Variants in FANCM observed in about 807,000 individuals in gnomAD.
FANCM encodes the protein FA complementation group M.
FANCM carries 140 observed loss-of-function variants against 199.5 expected under a neutral mutation model. That is an observed-to-expected ratio of 0.70 (90% CI 0.61 to 0.81). The LOEUF is 0.81. Among genes scored for constraint, FANCM ranks in the 30% least tolerant of loss-of-function variants. The pLI is 0.00. For synonymous variants in FANCM, 840 were observed against 836.8 expected, an observed-to-expected ratio of 1.00 and a Z score of -0.07; for missense variants, 2,410 against 2,421.4, an observed-to-expected ratio of 1.00 and a Z score of 0.10.
At chr14:45,180,931 T>C (rs929253904) in intron 14 of FANCM, 1 of 171,134 alleles carries the variant, frequency 5.8e-6, no homozygotes, top group African/African-American at 2.4e-5. Flanking sequence ...TTGTATTGAA[T>C]TGTATCTTAC....
rs1055580023 is a variant in FANCM, at chr14:45,156,918, A to G, written c.1396+1459A>G. Among the ~76,000 whole-genome samples, 20 of 145,544 alleles carry G rather than the reference A, an allele frequency of 1.4e-4. No homozygotes were observed. The South Asian group carries it at 4.3e-3, about 31-fold the overall frequency. The stretch of plus-strand genomic sequence containing the variant: ...GGCAAAAGAGTGAGACTCTGTCTCA[A>G]AAAAAAAAAAAAAAAAAAAAGGAAA... On this transcript the variant is annotated intron_variant, in intron 8 of 22. Coordinates refer to ENST00000267430, the MANE Select transcript of FANCM (RefSeq NM_020937.4).
chr14:45,170,476 T>G lies in FANCM; in HGVS notation c.2003-113T>G. ...AGGAGTTTGAGGTTACAGTGAGTTA[T>G]GAATGTGCTGTTGCACTCCAACCTG... On this transcript the variant is annotated intron_variant, in intron 11 of 22. Transcript: ENST00000267430. 14 of 702,226 alleles carry G rather than the reference T, an allele frequency of 2.0e-5. No homozygotes were observed. In the South Asian group the frequency reaches 2.3e-4, roughly 11 times the overall value. The allele number at this position is 702,226 out of a possible 1,614,324, so 43.5% of individuals were successfully genotyped here.
chr14:45,155,522 A>G, intron 8 of FANCM, 63 bp downstream of exon 8: 2 of 872,738 alleles, frequency 2.3e-6, no homozygotes, highest in African/African-American at 1.6e-5. Flanking sequence ...AACTTTACTT[A>G]TGGCTGGGTG....
intron 1 of FANCM, 103 bp from the exon 2 acceptor site, chr14:45,136,966 T>C: frequency 1.1e-6 from 1 of 893,768 alleles, no homozygotes; most frequent in East Asian, 2.5e-5. Flanking sequence ...GTTTTTCTCT[T>C]AATGTTACCA....
At chr14:45,178,928 A>G (rs10137415) in intron 14 of FANCM, among the ~76,000 whole-genome samples, 33,961 of 152,052 alleles carry the variant, frequency 0.22, 5,470 homozygotes, top group African/African-American at 0.46. Flanking sequence ...GCCTGGCGCA[A>G]TGGCTCATGC....
chr14:45,181,279 C>T, intron 14 of FANCM, 151 bp from the exon 15 acceptor site: 1 of 546,826 alleles, frequency 1.8e-6, no homozygotes, highest in Non-Finnish European at 3.2e-6. Flanking sequence ...ATTTTTTGTT[C>T]AGAGTTCTCC....
chr14:45,173,558 T>G (rs571144433), intron 13 of FANCM, among the ~76,000 whole-genome samples: 1 of 152,316 alleles, frequency 6.6e-6, no homozygotes, highest in East Asian at 1.9e-4. Flanking sequence ...CTGGTCCTAG[T>G]TTAGAGAATT....
chr14:45,195,274 T>G (rs934754681), intron 20 of FANCM, among the ~76,000 whole-genome samples: 3 of 152,216 alleles, frequency 2.0e-5, no homozygotes, highest in Non-Finnish European at 2.9e-5. Context: ...ATTACTTGCT[T>G]AAGGTTTTTG....
intron 20 of FANCM, chr14:45,195,497 C>T: frequency 2.2e-6 from 1 of 455,836 alleles, no homozygotes; most frequent in South Asian, 1.6e-5. Context: ...GGACATCTAG[C>T]ACTAATGTTT....
At chr14:45,141,079 G>A (rs758733365) in intron 3 of FANCM, among the ~76,000 whole-genome samples, 73 of 152,098 alleles carry the variant, frequency 4.8e-4, no homozygotes, top group Non-Finnish European at 1.0e-3. Context: ...ACAAGGTCAG[G>A]AGATCCAGAC....
intron 8 of FANCM, among the ~76,000 whole-genome samples, chr14:45,157,306 C>G (rs1366058216): frequency 6.6e-6 from 1 of 151,968 alleles, no homozygotes; most frequent in Non-Finnish European, 1.5e-5. Flanking sequence ...GAGTTATCAG[C>G]ATAAAGGTAA....
chr14:45,137,501 G>C (rs1384043921), intron 2 of FANCM: 2 of 452,836 alleles, frequency 4.4e-6, no homozygotes, highest in South Asian at 2.2e-5. Flanking sequence ...ATTAGTGTCA[G>C]ATGTAGATCA....
Position 45,185,241 on chromosome 14 carries a change from G to T in FANCM, c.4540G>T (p.Asp1514Tyr). 1 of 1,604,060 alleles carries T rather than the reference G, an allele frequency of 6.2e-7. No individual in the cohort carries two copies. Among genetic ancestry groups the T allele is most frequent in the East Asian group, 2.2e-5 (1 of 44,674 alleles). The change falls in exon 18 of 23, where the codon GAT becomes TAT. Residue 1514 changes from aspartate (D) to tyrosine (Y), a missense_variant. Transcript: ENST00000267430. The stretch of plus-strand genomic sequence containing the variant: ...GCATGTAGCTAGGAAGTTTTTAGAT[G>T]ATGAAGCAGAACTTTCTGAAGAAGA... Reference protein sequence around the residue: ...LKHVARKFLDDEAELSEEDAE... With the variant: ...LKHVARKFLDYEAELSEEDAE...
chr14:45,152,736 G>A (rs900442354), intron 5 of FANCM, among the ~76,000 whole-genome samples: 2 of 152,168 alleles, frequency 1.3e-5, no homozygotes, highest in South Asian at 2.1e-4. Flanking sequence ...CTACATGAGA[G>A]TAGCTTTAAG....
At chr14:45,149,135 A>G (rs1886640786) in intron 4 of FANCM, 140 bp downstream of exon 4, 1 of 759,320 alleles carries the variant, frequency 1.3e-6, no homozygotes, top group African/African-American at 1.8e-5. Context: ...TTGAAGTTAA[A>G]ATTTTTGGAA....
intron 20 of FANCM, 118 bp downstream of exon 20, chr14:45,189,480 TTTGCAGAAAATGTCTTCA>T: frequency 1.2e-6 from 1 of 807,454 alleles, no homozygotes; most frequent in Non-Finnish European, 2.0e-6. Flanking sequence ...ACAAAAAAAT[TTTGCAGAAAATGTCTTCA>T]AACAAGAAAA....
At chr14:45,166,131 T>TAA (rs953068325) in intron 10 of FANCM, among the ~76,000 whole-genome samples, 4 of 140,094 alleles carry the variant, frequency 2.9e-5, no homozygotes, top group Admixed American at 7.2e-5. Flanking sequence ...ATTTTCTTTT[T>TAA]AAAAAAAAAA....
In FANCM at chr14:45,199,856, CATTT is replaced by C; in HGVS notation, c.6009-9_6009-6del. On this transcript the variant is annotated splice_polypyrimidine_tract_variant and intron_variant, in intron 22 of 22. Coordinates refer to ENST00000267430, the MANE Select transcript of FANCM (RefSeq NM_020937.4). ...AAGTCCTAGTGTAATGATTTTGTCT[CATTT>C]ATTTTTCAGCTCACTTCAAGAAATC... The C allele has an allele frequency of 6.2e-7, 1 of 1,610,328 alleles. No individual in the cohort carries two copies.
Position 45,187,868 on chromosome 14 carries a change from A to C in FANCM, c.4760A>C (p.Asn1587Thr). The change falls in exon 19 of 23, where the codon AAC becomes ACC. Residue 1587 changes from asparagine to threonine, a missense_variant. By Grantham distance (65) the Asn-to-Thr change is moderately conservative (BLOSUM62 0). Transcript: ENST00000267430. The stretch of plus-strand genomic sequence containing the variant: ...AAAATGATTCATAAGACACATAAAA[A>C]CATAAACATTTTCTCGCAGGTATGA... ...KYKMIHKTHK[N>T]INIFSQIPEQ... 4 of 1,519,604 alleles carry C rather than the reference A, an allele frequency of 2.6e-6. No homozygotes were observed. The highest frequency in any genetic ancestry group is 2.3e-5 in the East Asian group (1 of 44,336). 94.1% of individuals were successfully genotyped at this position (1,519,604 alleles called of 1,614,324 possible). A position where few individuals can be genotyped will look rare whatever the true frequency, so the allele number is the denominator to read the frequency against.
Sources: gnomAD v4.1 joint callset for allele counts (sites outside exome capture counted in the v4.1 genomes callset) on GRCh38, gnomAD v4.1.1 for gene constraint, MANE v1.5 for transcripts, NCBI Gene and HGNC (gene_info 2026-07-23, HGNC 2026-07-21) for gene names.